WDR4: variants seen among roughly 807,000 people sequenced by gnomAD.
WDR4 encodes WDR4 tRNA N7-guanosine methyltransferase non-catalytic subunit.
In WDR4, 47 loss-of-function variants were observed where a neutral mutation model predicts 48.6. The ratio of observed to expected loss-of-function variants is 0.97; its 90% CI spans 0.77 to 1.23. WDR4 has a LOEUF of 1.23. WDR4 is among the 50% of genes most tolerant of loss of function. The pLI is 0.00. For missense variants in WDR4, 606 were observed against 551.6 expected, an observed-to-expected ratio of 1.10 and a Z score of -0.99; for synonymous variants, 268 against 230.0, an observed-to-expected ratio of 1.17 and a Z score of -1.49.
the WDR4 span, chr21:42,886,805 C>T: frequency 6.6e-6 from 1 of 152,248 alleles, no homozygotes; most frequent in African/African-American, 2.4e-5. Flanking sequence ...AACCAGCAGC[C>T]TCCTGGCCGG....
At chr21:42,875,831 C>A (rs955516304) in intron 2 of WDR4, among the ~76,000 whole-genome samples, 3 of 151,908 alleles carry the variant, frequency 2.0e-5, no homozygotes, top group African/African-American at 4.8e-5. Flanking sequence ...CTTCCTACAC[C>A]CGCCTTCAAC....
chr21:42,859,526 AG>A, intron 6 of WDR4, 135 bp downstream of exon 6: 1 of 828,154 alleles, frequency 1.2e-6, no homozygotes, highest in Non-Finnish European at 1.9e-6. Context: ...AGCCGCAGGC[AG>A]CTCTAAGATC....
chr21:42,853,736 T>A lies in WDR4; in HGVS notation c.808A>T (p.Ile270Phe). 3.8e-6 allele frequency: 6 copies of A among 1,559,194 alleles called. No homozygotes were observed. Among genetic ancestry groups the A allele is most frequent in the East Asian group, 2.4e-5 (1 of 42,214 alleles). ...LLCDGTPVVY[I>F]FQLDARRQQL... ...TGTCTGCGGGCGTCCAGCTGGAAGA[T>A]GTAGACCACAGGAGTGCTTGCCACG... Residue 270 changes from isoleucine to phenylalanine, a missense_variant, in exon 9 of 11, where the codon ATC (isoleucine) becomes TTC (phenylalanine). Transcript: ENST00000398208.
At chr21:42,863,902 T>G (rs13048582) in intron 3 of WDR4, among the ~76,000 whole-genome samples, 8 of 126,416 alleles carry the variant, frequency 6.3e-5, no homozygotes, top group South Asian at 2.5e-4. Flanking sequence ...GTCAGGAGAT[T>G]GAGACCATTC....
At chr21:42,855,597 C>T (rs1055414992) in intron 7 of WDR4, 85 bp downstream of exon 7, 68 of 1,065,122 alleles carry the variant, frequency 6.4e-5, no homozygotes, top group Middle Eastern at 4.2e-4. Context: ...ACGTTTCCAA[C>T]GGCGAAGTGA....
rs368797603 is a variant in WDR4, at chr21:42,853,974, T to G, written c.792-222A>C. Among the ~76,000 whole-genome samples, 22 of 152,058 alleles carry G rather than the reference T, an allele frequency of 1.4e-4. 1 individual carries two copies. The South Asian group carries it at 2.1e-3, about 14-fold the overall frequency. ...TCTGGAGTGGCTCGTGGTGCAGCAA[T>G]AGCTAACCAGCACGGTACAGGCAGG... On this transcript the variant is annotated intron_variant, in intron 8 of 10. Coordinates refer to ENST00000398208, the MANE Select transcript of WDR4 (RefSeq NM_018669.6).
At chr21:42,850,310 C>G (rs1184630894) in intron 10 of WDR4, 68 bp from the exon 11 acceptor site, 2 of 1,421,602 alleles carry the variant, frequency 1.4e-6, no homozygotes, top group Admixed American at 2.4e-5. Flanking sequence ...CCACAGCGGG[C>G]CCCCTGCAGC....
intron 1 of WDR4, chr21:42,878,883 G>A: frequency 2.2e-6 from 2 of 896,578 alleles, no homozygotes; most frequent in Non-Finnish European, 2.7e-6. Context: ...AGCAATTAAG[G>A]CCAGGTGAGT....
At position 42,862,322 on chromosome 21, in the gene WDR4, C is replaced by T; in HGVS notation, c.526G>A (p.Ala176Thr). 1 of 1,611,762 alleles carries T rather than the reference C, an allele frequency of 6.2e-7. No individual in the cohort carries two copies. The highest frequency in any genetic ancestry group is 8.5e-7 in the Non-Finnish European group (1 of 1,179,278). Residue 176 changes from alanine (A) to threonine (T), a missense_variant, in exon 5 of 11, where the codon GCG becomes ACG. Coordinates refer to ENST00000398208, the MANE Select transcript of WDR4 (RefSeq NM_018669.6). This position sits in a 1 kb window ranked among gnomAD's most constrained non-coding sequence, Gnocchi z 4.3. ...CAGAAGGACTCGATGCTATGGGGCGCCGCGGCCCAGCTGACTCGGATCTTC... is the reference window on the plus strand; with the variant it reads ...CAGAAGGACTCGATGCTATGGGGCGTCGCGGCCCAGCTGACTCGGATCTTC... ...DEKIRVSWAA[A>T]PHSIESFCLG...
intron 6 of WDR4, among the ~76,000 whole-genome samples, chr21:42,857,855 C>A (rs376127228): frequency 9.3e-4 from 141 of 152,090 alleles, no homozygotes; most frequent in African/African-American, 3.2e-3. Context: ...TCCCAGTGGG[C>A]GGAAGTGGGT....
chr21:42,869,424 G>C (rs1312001828), intron 3 of WDR4, among the ~76,000 whole-genome samples: 1 of 152,138 alleles, frequency 6.6e-6, no homozygotes, highest in Non-Finnish European at 1.5e-5. Flanking sequence ...CTCTGCACTT[G>C]TTCTTGACCC....
At chr21:42,854,116 C>A (rs1174092567) in intron 8 of WDR4, among the ~76,000 whole-genome samples, 1 of 152,208 alleles carries the variant, frequency 6.6e-6, no homozygotes, top group Admixed American at 6.5e-5. Context: ...TGAAAAGTGC[C>A]GAAAGCACCA....
At position 42,854,722 on chromosome 21, in the gene WDR4, G is replaced by GC. The variant is rs2057940709; in HGVS notation, c.727-97dup. The GC allele has an allele frequency of 1.1e-5, 13 of 1,138,292 alleles. No individual in the cohort carries two copies. In the South Asian group the frequency reaches 1.9e-4, roughly 17 times the overall value. 70.5% of individuals were successfully genotyped at this position (1,138,292 alleles called of 1,614,324 possible). The stretch of plus-strand genomic sequence containing the variant: ...AAGAGCAAGACCGAAGGACGCTCAC[G>GC]CCCCCACATATCAAGGAAGAGGAAA... On this transcript the variant is annotated intron_variant, in intron 7 of 10. Transcript: ENST00000398208.
At chr21:42,854,381 G>A (rs1277306493) in intron 8 of WDR4, among the ~76,000 whole-genome samples, 181 bp downstream of exon 8, 19 of 152,202 alleles carry the variant, frequency 1.2e-4, no homozygotes, top group Admixed American at 1.2e-3. Context: ...TGGCTGAGAG[G>A]AGCCCTCACC....
chr21:42,856,806 C>A (rs184907951), intron 6 of WDR4, among the ~76,000 whole-genome samples: 1 of 152,234 alleles, frequency 6.6e-6, no homozygotes, highest in African/African-American at 2.4e-5. Context: ...CACACACACA[C>A]CTTTCTACAA....
chr21:42,879,574 G>C (rs75330024), upstream of WDR4: 42,117 of 1,551,464 alleles, frequency 0.027, 689 homozygotes, highest in Non-Finnish European at 0.032. Flanking sequence ...GACGCCAGGC[G>C]CAGACGCCGA....
chr21:42,880,858 T>G (rs1476952053), upstream of WDR4, among the ~76,000 whole-genome samples: 1 of 151,946 alleles, frequency 6.6e-6, no homozygotes, highest in East Asian at 1.9e-4. Flanking sequence ...TCACTACAAG[T>G]CCCTTAAAAG....
chr21:42,853,753 C>T lies in WDR4; in HGVS notation c.792-1G>A. 6.4e-7 allele frequency: 1 copy of T among 1,550,858 alleles called. No individual in the cohort carries two copies. Among genetic ancestry groups the T allele is most frequent in the Non-Finnish European group, 8.7e-7 (1 of 1,147,418 alleles). On this transcript the variant is annotated splice_acceptor_variant, in intron 8 of 10. Transcript: ENST00000398208. LOFTEE classifies it high-confidence loss of function. ...CTGGAAGATGTAGACCACAGGAGTG[C>T]TTGCCACGAAGAAAGAGAGCATGAT... is the stretch of plus-strand genomic sequence containing the variant.
chr21:42,892,829 G>A, the WDR4 span, among the ~76,000 whole-genome samples: 4 of 152,246 alleles, frequency 2.6e-5, no homozygotes, highest in African/African-American at 4.8e-5. Flanking sequence ...GGGTGAGGGA[G>A]CTGGGCGCGT....
Sources: allele counts gnomAD v4.1 joint callset (sites outside exome capture counted in the v4.1 genomes callset), GRCh38; gene constraint gnomAD v4.1.1; non-coding constraint Gnocchi (gnomAD v3.1); transcripts MANE v1.5; gene names NCBI Gene and HGNC (gene_info 2026-07-23, HGNC 2026-07-21).